MAPK10: variants seen among roughly 807,000 people sequenced by gnomAD.
The protein encoded by MAPK10 is JNK3 alpha protein kinase.
A neutral mutation model predicts 59.3 loss-of-function variants in MAPK10; 25 were observed. The observed-to-expected ratio is 0.42, with a 90% CI of 0.31 to 0.59. The LOEUF (loss-of-function observed/expected upper bound fraction) is 0.59. Among genes scored for constraint, MAPK10 ranks in the 20% least tolerant of loss-of-function variants. The pLI is 0.15. For missense variants in MAPK10, 351 were observed against 568.9 expected, an observed-to-expected ratio of 0.62 and a Z score of 3.90; for synonymous variants, 190 against 200.5, an observed-to-expected ratio of 0.95 and a Z score of 0.44.
chr4:86,241,140 C>A (rs1237638542), intron 2 of MAPK10, among the ~76,000 whole-genome samples: 1 of 152,146 alleles, frequency 6.6e-6, no homozygotes, highest in Admixed American at 6.5e-5. Context: ...AAATTCTTTT[C>A]TTTAAGAATG....
At chr4:86,395,381 T>C (rs1742774148) in intron 1 of MAPK10, among the ~76,000 whole-genome samples, 1 of 152,250 alleles carries the variant, frequency 6.6e-6, no homozygotes, top group Non-Finnish European at 1.5e-5. Flanking sequence ...ATTAATGTGT[T>C]AGCTAACATG....
intron 2 of MAPK10, among the ~76,000 whole-genome samples, chr4:86,265,180 G>GC (rs2094181500): frequency 6.6e-6 from 1 of 152,006 alleles, no homozygotes; most frequent in Non-Finnish European, 1.5e-5. Context: ...GGGATCCTGA[G>GC]CCTGTTCAGA....
intron 4 of MAPK10, chr4:86,123,567 G>C (rs772755882): frequency 6.6e-6 from 1 of 152,036 alleles, no homozygotes; most frequent in Admixed American, 6.6e-5. Context: ...CTAAGCAAGT[G>C]ACATAACCAA....
At chr4:86,279,245 G>A (rs1194275424) in intron 2 of MAPK10, among the ~76,000 whole-genome samples, 1 of 152,120 alleles carries the variant, frequency 6.6e-6, no homozygotes, top group Non-Finnish European at 1.5e-5. Flanking sequence ...ACACACATTT[G>A]ATGGCCGTCT....
At chr4:86,415,838 G>T (rs1267696222) in intron 1 of MAPK10, among the ~76,000 whole-genome samples, 1 of 152,134 alleles carries the variant, frequency 6.6e-6, no homozygotes, top group African/African-American at 2.4e-5. Context: ...GAGTAGAATG[G>T]AACTCCAGAG....
At chr4:86,589,347 G>C (rs887231926) in intron 1 of MAPK10, among the ~76,000 whole-genome samples, 2 of 152,144 alleles carry the variant, frequency 1.3e-5, no homozygotes, top group African/African-American at 4.8e-5. Context: ...ACTGGAACTT[G>C]TACCACTTAT....
intron 1 of MAPK10, among the ~76,000 whole-genome samples, chr4:86,436,806 T>A (rs903741526): frequency 1.6e-4 from 24 of 152,190 alleles, no homozygotes; most frequent in Admixed American, 1.4e-3. Context: ...TTTTCTTGCC[T>A]TATTTCCCTG....
intron 1 of MAPK10, among the ~76,000 whole-genome samples, chr4:86,415,281 C>T (rs1439038710): frequency 1.3e-5 from 2 of 152,158 alleles, no homozygotes; most frequent in African/African-American, 2.4e-5. Context: ...AGCCCATTCC[C>T]GATCCATATT....
At chr4:86,288,023 G>T (rs960981319) in intron 2 of MAPK10, among the ~76,000 whole-genome samples, 3 of 152,124 alleles carry the variant, frequency 2.0e-5, no homozygotes, top group African/African-American at 7.2e-5. Flanking sequence ...TGGTATGGTG[G>T]AGAAAGAATC....
intron 1 of MAPK10, among the ~76,000 whole-genome samples, chr4:86,400,168 T>C (rs1163845992): frequency 1.3e-5 from 2 of 152,196 alleles, no homozygotes; most frequent in Middle Eastern, 3.2e-3. Context: ...CATTAGAACT[T>C]TTAATGATAT....
chr4:86,503,859 A>T (rs1184073323), intron 1 of MAPK10, among the ~76,000 whole-genome samples: 1 of 152,014 alleles, frequency 6.6e-6, no homozygotes. Flanking sequence ...ACAATTAATT[A>T]TTCATCTCCC....
At chr4:86,436,424 A>G (rs191186446) in intron 1 of MAPK10, among the ~76,000 whole-genome samples, 1 of 152,376 alleles carries the variant, frequency 6.6e-6, no homozygotes, top group East Asian at 1.9e-4. Flanking sequence ...CCAGTGAGTT[A>G]AGAGATAGGA....
intron 4 of MAPK10, among the ~76,000 whole-genome samples, chr4:86,110,697 G>T (rs2057339644): frequency 6.6e-6 from 1 of 152,086 alleles, no homozygotes; most frequent in Admixed American, 6.5e-5. Context: ...TTTTGCTTAG[G>T]ATTGTCTTGG....
At chr4:86,030,573 T>C (rs1378182685) in intron 12 of MAPK10, among the ~76,000 whole-genome samples, 2 of 152,066 alleles carry the variant, frequency 1.3e-5, no homozygotes, top group South Asian at 2.1e-4. Flanking sequence ...GCTCAAGTGA[T>C]CCCCCAGCCT....
intron 1 of MAPK10, among the ~76,000 whole-genome samples, chr4:86,413,352 T>C (rs1356601219): frequency 1.3e-5 from 2 of 152,224 alleles, no homozygotes. Context: ...CTAGTCAGGC[T>C]ACACAGGGGC....
At chr4:86,229,717 G>GAA (rs56738965) in intron 2 of MAPK10, among the ~76,000 whole-genome samples, 162 of 150,204 alleles carry the variant, frequency 1.1e-3, no homozygotes, top group African/African-American at 3.3e-3. Flanking sequence ...TTTATTTTAT[G>GAA]AAAAAAAAAA....
At chr4:86,361,112 CAT>C (rs1736875446), upstream of MAPK10, among the ~76,000 whole-genome samples, 1 of 152,136 alleles carries the variant, frequency 6.6e-6, no homozygotes. Flanking sequence ...AAGCTTCTTC[CAT>C]ATGTTACCAG....
chr4:86,509,985 G>C (rs1257384863), intron 1 of MAPK10, among the ~76,000 whole-genome samples: 1 of 152,184 alleles, frequency 6.6e-6, no homozygotes, highest in Non-Finnish European at 1.5e-5. Flanking sequence ...TACTTGGCTA[G>C]AAATTCCTTA....
chr4:86,322,409 G>A (rs1479887412), intron 2 of MAPK10, among the ~76,000 whole-genome samples: 1 of 152,216 alleles, frequency 6.6e-6, no homozygotes. Context: ...CAGAAAAAAA[G>A]GAGATGTGCA....
Sources: allele counts gnomAD v4.1 joint callset (sites outside exome capture counted in the v4.1 genomes callset), GRCh38; gene constraint gnomAD v4.1.1; transcripts MANE v1.5; gene names NCBI Gene and HGNC (gene_info 2026-07-23, HGNC 2026-07-21).